Variants in GRIA2 observed in about 807,000 individuals in gnomAD.
The protein encoded by GRIA2 is glutamate receptor 2.
Under a neutral mutation model 97.3 loss-of-function variants are expected in GRIA2, and 14 were observed. That is an observed-to-expected ratio of 0.14 (90% confidence interval 0.10 to 0.23). GRIA2 has a LOEUF of 0.23. GRIA2 is among the 10% of genes least tolerant of loss of function. The probability of loss-of-function intolerance (pLI) is 1.00; values close to 1 mark genes in which losing one functional copy is unlikely to be tolerated. For missense variants in GRIA2, 558 were observed against 1,069.8 expected (o/e 0.52, Z 6.67); for synonymous variants, 412 against 387.8 (o/e 1.06, Z -0.73).
At chr4:157,248,148 A>G (rs1730818928) in intron 2 of GRIA2, among the ~76,000 whole-genome samples, 1 of 151,346 alleles carries the variant, frequency 6.6e-6, no homozygotes, top group Non-Finnish European at 1.5e-5. Flanking sequence ...TCGATAGTCT[A>G]TATTTTTGAA....
At chr4:157,231,539 C>CA (rs1730019338) in intron 2 of GRIA2, among the ~76,000 whole-genome samples, 1 of 151,798 alleles carries the variant, frequency 6.6e-6, no homozygotes, top group Non-Finnish European at 1.5e-5. Flanking sequence ...TCTGGGCTGG[C>CA]AAAAAAGCCA....
chr4:157,228,577 G>C (rs1729852785), intron 2 of GRIA2, among the ~76,000 whole-genome samples: 1 of 152,008 alleles, frequency 6.6e-6, no homozygotes, highest in Non-Finnish European at 1.5e-5. Flanking sequence ...TGGATCACCT[G>C]AGGTCAGGAG....
At position 157,334,138 on chromosome 4, in the gene GRIA2, C is replaced by T; in HGVS notation, c.1266+18C>T. The T allele has an allele frequency of 8.5e-7, 1 of 1,181,066 alleles. No homozygotes were observed. Among genetic ancestry groups the T allele is most frequent in the East Asian group, 2.3e-5 (1 of 42,834 alleles). The allele number at this position is 1,181,066 out of a possible 1,614,324, so 73.2% of individuals were successfully genotyped here. A position where few individuals can be genotyped will look rare whatever the true frequency, so the allele number is the denominator to read the frequency against. On this transcript the variant is annotated intron_variant, in intron 9 of 15. Transcript: ENST00000264426. The stretch of plus-strand genomic sequence containing the variant: ...CAATTTTGGTAATTTGCTACATATG[C>T]CATGTTTTACTTTGTATTTTCTTAT...
intron 2 of GRIA2, among the ~76,000 whole-genome samples, chr4:157,230,964 C>T (rs1002444375): frequency 2.0e-5 from 3 of 152,122 alleles, no homozygotes; most frequent in African/African-American, 7.2e-5. Flanking sequence ...AGCAATTCTC[C>T]TGCCTCAGCC....
At chr4:157,302,299 T>C (rs1560755454) in intron 2 of GRIA2, among the ~76,000 whole-genome samples, 1 of 152,180 alleles carries the variant, frequency 6.6e-6, no homozygotes. Flanking sequence ...TAACCCTTTT[T>C]CTCGAAAAGA....
chr4:157,364,185 T>C lies in GRIA2; in HGVS notation c.*754T>C, dbSNP rs967628299. The C allele has an allele frequency of 3.3e-5, 5 of 152,506 alleles. No individual in the cohort carries two copies. Among genetic ancestry groups the C allele is most frequent in the Admixed American group, 6.6e-5 (1 of 15,222 alleles). The allele number at this position is 152,506 out of a possible 1,614,324, so 9.4% of individuals were successfully genotyped here. On this transcript the variant is annotated 3_prime_UTR_variant, in exon 16 of 16. Transcript: ENST00000264426. Reference sequence around the variant, plus strand: ...AGATTCCAATCTTGTAATTTAATATTGTTATTAAAACTTTAATGTATCCTA... The same window carrying C: ...AGATTCCAATCTTGTAATTTAATATCGTTATTAAAACTTTAATGTATCCTA...
At chr4:157,304,985 A>G (rs1733777975) in intron 3 of GRIA2, among the ~76,000 whole-genome samples, 1 of 152,274 alleles carries the variant, frequency 6.6e-6, no homozygotes, top group South Asian at 2.1e-4. Flanking sequence ...GTCAACAACT[A>G]TGTCCCCCTG....
At chr4:157,227,808 T>C (rs1729815515) in intron 2 of GRIA2, among the ~76,000 whole-genome samples, 1 of 152,218 alleles carries the variant, frequency 6.6e-6, no homozygotes, top group South Asian at 2.1e-4. Flanking sequence ...GCCAAATCTC[T>C]TGTATGACTG....
chr4:157,335,048 G>C (rs935778509), intron 9 of GRIA2: 1 of 152,952 alleles, frequency 6.5e-6, no homozygotes, highest in Non-Finnish European at 1.5e-5. Flanking sequence ...ATTTTTTCTT[G>C]CTTCCTTTTT....
intron 2 of GRIA2, among the ~76,000 whole-genome samples, chr4:157,246,648 G>A (rs184470977): frequency 1.6e-3 from 238 of 152,134 alleles, no homozygotes; most frequent in Admixed American, 4.3e-3. Context: ...TATAAATTGC[G>A]ATGAGCTGCA....
intron 11 of GRIA2, among the ~76,000 whole-genome samples, chr4:157,338,559 G>A (rs559869859): frequency 1.6e-3 from 238 of 152,052 alleles, no homozygotes; most frequent in Non-Finnish European, 2.7e-3. Context: ...TTTTCATCAA[G>A]GCTGCATCTA....
intron 2 of GRIA2, among the ~76,000 whole-genome samples, chr4:157,262,568 C>G (rs1579314052): frequency 6.6e-6 from 1 of 152,050 alleles, no homozygotes; most frequent in Admixed American, 6.6e-5. Flanking sequence ...CATATGGCTT[C>G]TGAGCTATAG....
chr4:157,253,315 C>G (rs1731096174), intron 2 of GRIA2, among the ~76,000 whole-genome samples: 1 of 151,934 alleles, frequency 6.6e-6, no homozygotes, highest in Non-Finnish European at 1.5e-5. Context: ...CAGGGTTTTG[C>G]CACGTTGCCA....
intron 2 of GRIA2, among the ~76,000 whole-genome samples, chr4:157,239,687 G>A (rs777209336): frequency 6.6e-6 from 1 of 151,688 alleles, no homozygotes; most frequent in Non-Finnish European, 1.5e-5. Context: ...GTAAATACAT[G>A]TATATATACA....
intron 2 of GRIA2, among the ~76,000 whole-genome samples, chr4:157,300,507 C>T (rs571533472): frequency 6.6e-6 from 1 of 151,972 alleles, no homozygotes; most frequent in South Asian, 2.1e-4. Context: ...AGTGACTGTC[C>T]TAAGGTACAG....
At chr4:157,292,812 C>T (rs1560750962) in intron 2 of GRIA2, among the ~76,000 whole-genome samples, 2 of 152,198 alleles carry the variant, frequency 1.3e-5, no homozygotes, top group East Asian at 1.9e-4. Flanking sequence ...TTGACACCCA[C>T]TCACCCATTT....
chr4:157,332,767 T>C, intron 6 of GRIA2, 52 bp from the exon 7 acceptor site: 1 of 1,397,856 alleles, frequency 7.2e-7, no homozygotes, highest in Non-Finnish European at 1.0e-6. Flanking sequence ...TGGGGTGCAG[T>C]GAGTTTCTGA....
chr4:157,259,847 GT>G (rs1731448270), intron 2 of GRIA2, among the ~76,000 whole-genome samples: 1 of 151,986 alleles, frequency 6.6e-6, no homozygotes, highest in South Asian at 2.1e-4. Context: ...CATTACATCT[GT>G]ACTTTCTTTT....
chr4:157,333,976 T>A lies in GRIA2; in HGVS notation c.1156-34T>A, dbSNP rs776378974. The A allele has an allele frequency of 7.2e-6, 7 of 965,932 alleles. No homozygotes were observed. The African/African-American group carries it at 1.1e-4, about 16-fold the overall frequency. The allele number at this position is 965,932 out of a possible 1,614,324, so 59.8% of individuals were successfully genotyped here. ...ATGCTTTGCTAATAGACAAGTCATT[T>A]ATCCATACACCTGTCTGCTGTAACC... On this transcript the variant is annotated intron_variant, in intron 8 of 15. Coordinates refer to ENST00000264426, the MANE Select transcript of GRIA2 (RefSeq NM_001083619.3).
Sources: gnomAD v4.1 joint callset for allele counts (sites outside exome capture counted in the v4.1 genomes callset) on GRCh38, gnomAD v4.1.1 for gene constraint, MANE v1.5 for transcripts, NCBI Gene and HGNC (gene_info 2026-07-23, HGNC 2026-07-21) for gene names.